Variants in GASK1A observed in about 807,000 individuals in gnomAD.
GASK1A encodes the protein golgi associated kinase 1A, also known as Golgi-associated kinase 1A.
GASK1A carries 40 observed loss-of-function variants against 41.2 expected under a neutral mutation model. That is an observed-to-expected ratio of 0.97 (90% CI 0.75 to 1.27). The LOEUF (loss-of-function observed/expected upper bound fraction) is 1.27. Among genes scored for constraint, GASK1A ranks in the 50% most tolerant of loss-of-function variants. The probability of loss-of-function intolerance (pLI) is 0.00; values close to 1 mark genes in which losing one functional copy is unlikely to be tolerated. For missense variants in GASK1A, 678 were observed against 745.1 expected (o/e 0.91, Z 1.05); for synonymous variants, 316 against 307.1 (o/e 1.03, Z -0.30).
chr3:43,022,436 G>T (rs1477811731), intron 1 of GASK1A, among the ~76,000 whole-genome samples: 1 of 151,248 alleles, frequency 6.6e-6, no homozygotes, highest in Admixed American at 6.6e-5. Flanking sequence ...TACCCTGGTG[G>T]TATCCAATAC....
intron 1 of GASK1A, 60 bp downstream of exon 1, chr3:42,979,705 C>T: frequency 8.0e-7 from 1 of 1,243,426 alleles, no homozygotes. Flanking sequence ...GGACAGGTGG[C>T]TGCAGTCAAC....
intron 1 of GASK1A, among the ~76,000 whole-genome samples, chr3:42,991,895 GC>G (rs1216578589): frequency 6.6e-6 from 1 of 152,178 alleles, no homozygotes; most frequent in African/African-American, 2.4e-5. Context: ...TTCCTGGATA[GC>G]ACGGGTGCTC....
At chr3:43,054,373 T>G (rs1311643849) in intron 3 of GASK1A, 1 of 153,022 alleles carries the variant, frequency 6.5e-6, no homozygotes, top group Non-Finnish European at 1.5e-5. Flanking sequence ...CCCAGAGCCA[T>G]CTCTCCTTTT....
intron 2 of GASK1A, among the ~76,000 whole-genome samples, chr3:43,049,133 G>C (rs1309651855): frequency 6.6e-6 from 1 of 152,156 alleles, no homozygotes; most frequent in African/African-American, 2.4e-5. Flanking sequence ...GATGCCACCA[G>C]ACTGTATCTA....
chr3:43,036,408 G>C (rs1010787037), intron 2 of GASK1A, among the ~76,000 whole-genome samples: 2 of 152,182 alleles, frequency 1.3e-5, no homozygotes, highest in African/African-American at 4.8e-5. Context: ...CTCTTGAGTA[G>C]GTCTGCTTGC....
At chr3:43,005,656 AT>A (rs1279493302) in intron 1 of GASK1A, among the ~76,000 whole-genome samples, 2 of 152,216 alleles carry the variant, frequency 1.3e-5, no homozygotes, top group African/African-American at 4.8e-5. Flanking sequence ...AAAGTGCTTC[AT>A]TTAAGTGAGA....
At chr3:43,054,281 C>T (rs1020563355) in intron 3 of GASK1A, 1 of 159,610 alleles carries the variant, frequency 6.3e-6, no homozygotes, top group African/African-American at 2.4e-5. Flanking sequence ...AGCATGGTGT[C>T]CAGGGATGGG....
At chr3:43,038,354 CAGTAAT>C (rs2089615232) in intron 2 of GASK1A, among the ~76,000 whole-genome samples, 2 of 152,164 alleles carry the variant, frequency 1.3e-5, no homozygotes, top group African/African-American at 4.8e-5. Context: ...TACTAATAAT[CAGTAAT>C]AGTCCTAGAA....
intron 1 of GASK1A, among the ~76,000 whole-genome samples, chr3:42,983,486 C>T (rs562714917): frequency 7.2e-5 from 11 of 152,054 alleles, no homozygotes; most frequent in Non-Finnish European, 1.2e-4. Flanking sequence ...TCTCTCTTCT[C>T]ATCAGGCAGG....
At chr3:43,049,576 T>C (rs1419555513) in intron 2 of GASK1A, among the ~76,000 whole-genome samples, 1 of 149,736 alleles carries the variant, frequency 6.7e-6, no homozygotes, top group African/African-American at 2.5e-5. Context: ...TTCTGGGCTT[T>C]GTGCATTGGC....
chr3:42,990,036 T>TCCCTG (rs952039268), intron 1 of GASK1A, among the ~76,000 whole-genome samples: 7 of 151,822 alleles, frequency 4.6e-5, no homozygotes, highest in African/African-American at 1.7e-4. Flanking sequence ...TGGTCAAGAG[T>TCCCTG]CCCTGTGCAG....
At chr3:43,035,031 T>C (rs1053899079) in intron 2 of GASK1A, among the ~76,000 whole-genome samples, 23 of 152,200 alleles carry the variant, frequency 1.5e-4, no homozygotes, top group African/African-American at 5.3e-4. Flanking sequence ...GGCTGCTTTG[T>C]GGAAGGAGGA....
At chr3:43,021,906 G>A (rs943280811) in intron 1 of GASK1A, among the ~76,000 whole-genome samples, 3 of 152,228 alleles carry the variant, frequency 2.0e-5, no homozygotes, top group Non-Finnish European at 4.4e-5. Flanking sequence ...AGGGGTATTG[G>A]TGAAGGGTTG....
At chr3:43,008,415 G>A (rs1462346728) in intron 1 of GASK1A, among the ~76,000 whole-genome samples, 1 of 152,204 alleles carries the variant, frequency 6.6e-6, no homozygotes, top group Non-Finnish European at 1.5e-5. Context: ...AGGTCACCTG[G>A]CTGGAAGGAG....
chr3:42,998,334 C>T (rs1030718002), intron 1 of GASK1A, among the ~76,000 whole-genome samples: 5 of 152,084 alleles, frequency 3.3e-5, no homozygotes, highest in Admixed American at 6.5e-5. Context: ...CAGACGCACT[C>T]GGGACTGGAC....
intron 2 of GASK1A, among the ~76,000 whole-genome samples, chr3:43,045,139 T>C (rs913836539): frequency 3.9e-5 from 6 of 152,178 alleles, no homozygotes; most frequent in African/African-American, 1.4e-4. Flanking sequence ...GCTCTGCTGC[T>C]TGAGATAATG....
intron 2 of GASK1A, among the ~76,000 whole-genome samples, chr3:43,042,167 C>T (rs1275248976): frequency 1.3e-5 from 2 of 151,940 alleles, no homozygotes; most frequent in African/African-American, 4.8e-5. Context: ...TTCATTATTC[C>T]TACTTATTGA....
intron 2 of GASK1A, among the ~76,000 whole-genome samples, chr3:43,045,840 GT>G (rs1480728749): frequency 1.3e-5 from 2 of 152,166 alleles, no homozygotes; most frequent in African/African-American, 2.4e-5. Flanking sequence ...AGATCTGATG[GT>G]TTTATAAGTG....
At chr3:42,998,726 A>G (rs1031104753) in intron 1 of GASK1A, among the ~76,000 whole-genome samples, 8 of 151,960 alleles carry the variant, frequency 5.3e-5, no homozygotes, top group Non-Finnish European at 2.9e-5. Flanking sequence ...TCTTCCTCCC[A>G]CCTGCTTACT....
Sources: gnomAD v4.1 joint callset for allele counts (sites outside exome capture counted in the v4.1 genomes callset) on GRCh38, gnomAD v4.1.1 for gene constraint, MANE v1.5 for transcripts, NCBI Gene and HGNC (gene_info 2026-07-23, HGNC 2026-07-21) for gene names.